The following SLC9A9 variants were observed in gnomAD, a reference collection of about 807,000 sequenced individuals.
The protein encoded by SLC9A9 is solute carrier family 9 member A9, also known as sodium/hydrogen exchanger 9.
Under a neutral mutation model 77.8 loss-of-function variants are expected in SLC9A9, and 62 were observed. The observed-to-expected ratio is 0.80, with a 90% CI of 0.65 to 0.98. The LOEUF is 0.98. Among genes scored for constraint, SLC9A9 ranks in the 50% least tolerant of loss-of-function variants. SLC9A9 has a pLI of 0.00. For missense variants in SLC9A9, 775 were observed against 774.9 expected (o/e 1.00, Z 0.00); for synonymous variants, 320 against 283.5 (o/e 1.13, Z -1.29).
intron 3 of SLC9A9, among the ~76,000 whole-genome samples, chr3:143,796,449 G>A (rs1229750240): frequency 1.3e-5 from 2 of 152,206 alleles, no homozygotes; most frequent in African/African-American, 4.8e-5. Context: ...ATAATGTTTT[G>A]TTTAATCCAA....
At chr3:143,637,838 T>C (rs1490219579) in intron 6 of SLC9A9, among the ~76,000 whole-genome samples, 1 of 152,178 alleles carries the variant, frequency 6.6e-6, no homozygotes, top group African/African-American at 2.4e-5. Context: ...CAACCTTTAC[T>C]TCTCCATGGA....
At chr3:143,702,328 A>G (rs1373547394) in intron 4 of SLC9A9, among the ~76,000 whole-genome samples, 1 of 152,206 alleles carries the variant, frequency 6.6e-6, no homozygotes, top group Non-Finnish European at 1.5e-5. Context: ...AGGCTAAATG[A>G]TGAACCAATC....
intron 9 of SLC9A9, among the ~76,000 whole-genome samples, chr3:143,512,425 A>G (rs1363776047): frequency 6.6e-6 from 1 of 152,236 alleles, no homozygotes; most frequent in African/African-American, 2.4e-5. Context: ...CTACAGGCAT[A>G]CTACAGGAGA....
At chr3:143,705,972 C>G (rs1933961299) in intron 4 of SLC9A9, among the ~76,000 whole-genome samples, 1 of 152,178 alleles carries the variant, frequency 6.6e-6, no homozygotes, top group African/African-American at 2.4e-5. Context: ...GAGGTCAGAT[C>G]ATATCCACAG....
At chr3:143,351,912 C>T (rs2032464904) in intron 14 of SLC9A9, among the ~76,000 whole-genome samples, 1 of 151,898 alleles carries the variant, frequency 6.6e-6, no homozygotes, top group Non-Finnish European at 1.5e-5. Context: ...TCAGAGAAGG[C>T]CTGAGGACTT....
chr3:143,773,895 C>T (rs1438212742), intron 4 of SLC9A9, among the ~76,000 whole-genome samples: 2 of 152,172 alleles, frequency 1.3e-5, no homozygotes, highest in African/African-American at 4.8e-5. Flanking sequence ...TTCATTGCAT[C>T]CCTGTCTCTA....
At chr3:143,526,548 C>A (rs917733439) in intron 9 of SLC9A9, among the ~76,000 whole-genome samples, 3 of 152,178 alleles carry the variant, frequency 2.0e-5, no homozygotes, top group African/African-American at 7.2e-5. Context: ...CCTCCTGTCC[C>A]CCAAATTGTC....
intron 12 of SLC9A9, among the ~76,000 whole-genome samples, chr3:143,445,654 T>C (rs2034828454): frequency 6.6e-6 from 1 of 152,164 alleles, no homozygotes; most frequent in South Asian, 2.1e-4. Flanking sequence ...CATACCTTTA[T>C]GGAATTTGAA....
chr3:143,751,751 C>T (rs1040093319), intron 4 of SLC9A9, among the ~76,000 whole-genome samples: 12 of 152,198 alleles, frequency 7.9e-5, no homozygotes, highest in Admixed American at 7.9e-4. Flanking sequence ...TATGACACTA[C>T]TCAAGATCGG....
At chr3:143,577,321 G>T (rs1423037506) in intron 7 of SLC9A9, among the ~76,000 whole-genome samples, 3 of 152,134 alleles carry the variant, frequency 2.0e-5, no homozygotes, top group Non-Finnish European at 4.4e-5. Flanking sequence ...ATGCCACATT[G>T]GTCCCACTGC....
At chr3:143,290,603 G>A (rs1239923702) in intron 14 of SLC9A9, among the ~76,000 whole-genome samples, 1 of 152,110 alleles carries the variant, frequency 6.6e-6, no homozygotes, top group Non-Finnish European at 1.5e-5. Context: ...ACATCAGATT[G>A]CCTTGCTAAC....
intron 5 of SLC9A9, among the ~76,000 whole-genome samples, chr3:143,657,913 C>T (rs1391601061): frequency 1.3e-5 from 2 of 152,102 alleles, no homozygotes; most frequent in African/African-American, 2.4e-5. Flanking sequence ...GTTGCCCAGG[C>T]TGGAGTGCAG....
intron 12 of SLC9A9, among the ~76,000 whole-genome samples, chr3:143,427,305 T>C (rs529189422): frequency 6.6e-6 from 1 of 152,284 alleles, no homozygotes; most frequent in East Asian, 1.9e-4. Flanking sequence ...AGACTCTAAA[T>C]CTAAGAAATG....
intron 14 of SLC9A9, among the ~76,000 whole-genome samples, chr3:143,296,136 A>G (rs955059948): frequency 6.6e-6 from 1 of 152,228 alleles, no homozygotes; most frequent in African/African-American, 2.4e-5. Context: ...TGTTAACTGT[A>G]GACACAATGA....
intron 14 of SLC9A9, among the ~76,000 whole-genome samples, chr3:143,296,443 AT>A (rs2108422654): frequency 6.6e-6 from 1 of 152,164 alleles, no homozygotes; most frequent in South Asian, 2.1e-4. Context: ...TATATGCCTC[AT>A]TTTCTTTATC....
rs1384538210 is a variant in SLC9A9 at position 143,763,832 on chromosome 3, TGGGGATAG to T, written c.533+31161_533+31168del. On this transcript the variant is annotated intron_variant, in intron 4 of 15. Coordinates refer to ENST00000316549, the MANE Select transcript of SLC9A9 (RefSeq NM_173653.4). ...GTAAAATCTCTTAGTCCTGGAAAGT[TGGGGATAG>T]GGCCATTAAATAAGACAAATAATTT... 3.3e-5 allele frequency among the ~76,000 whole-genome samples: 5 copies of T among 152,204 alleles called. No individual in the cohort carries two copies. The East Asian group carries it at 9.7e-4, about 29-fold the overall frequency.
chr3:143,266,823 C>A lies in SLC9A9; in HGVS notation c.1817G>T (p.Gly606Val). The A allele has an allele frequency of 6.2e-7, 1 of 1,614,136 alleles. No homozygotes were observed. The highest frequency in any genetic ancestry group is 8.5e-7 in the Non-Finnish European group (1 of 1,180,034). Residue 606 changes from glycine to valine, a missense_variant, in exon 16 of 16, where the codon GGT (glycine) becomes GTT (valine). Physicochemically the swap from Gly to Val is moderately radical, Grantham distance 109. Transcript: ENST00000316549. Reference protein sequence around the residue: ...SSPCSPPARLGLDQKASPQTP... With the variant: ...SSPCSPPARLVLDQKASPQTP... ...CTGGGGTGAAGCTTTCTGGTCCAGA[C>A]CTAGCCTTGCAGGAGGACTGCAGGG...
intron 12 of SLC9A9, among the ~76,000 whole-genome samples, chr3:143,398,579 AAAG>A (rs545392603): frequency 9.8e-4 from 149 of 152,310 alleles, no homozygotes; most frequent in African/African-American, 3.2e-3. Context: ...TTAAAAGCAA[AAAG>A]AGATTTATAA....
rs540223125 is a variant in SLC9A9, at chr3:143,374,969, A to G, written c.1524+7091T>C. ...CCTAGACACTTCTAACCATCCTTCT[A>G]CTCTCTAGATCCATGAGTTCAATTG... On this transcript the variant is annotated intron_variant, in intron 13 of 15. Coordinates refer to ENST00000316549, the MANE Select transcript of SLC9A9 (RefSeq NM_173653.4). Among the ~76,000 whole-genome samples the G allele has an allele frequency of 6.3e-4, 96 of 151,976 alleles. 1 individual carries two copies. Among genetic ancestry groups the G allele is most frequent in the African/African-American group, 2.2e-3 (93 of 41,454 alleles).
Sources: gnomAD v4.1 joint callset for allele counts (sites outside exome capture counted in the v4.1 genomes callset) on GRCh38, gnomAD v4.1.1 for gene constraint, MANE v1.5 for transcripts, NCBI Gene and HGNC (gene_info 2026-07-23, HGNC 2026-07-21) for gene names.